TMEM260: variants seen among roughly 807,000 people sequenced by gnomAD.
TMEM260 encodes the protein transmembrane protein 260, also known as protein O-mannosyl-transferase TMEM260.
TMEM260 carries 82 observed loss-of-function variants against 88.9 expected under a neutral mutation model. The ratio of observed to expected loss-of-function variants is 0.92; its 90% CI spans 0.77 to 1.11. The LOEUF (loss-of-function observed/expected upper bound fraction) is 1.11, where lower values mean the gene tolerates loss of function less well. TMEM260 is among the 50% of genes least tolerant of loss of function. The pLI, the probability that TMEM260 is intolerant of heterozygous loss-of-function variation, is 0.00. For missense variants in TMEM260, 902 were observed against 853.4 expected, an observed-to-expected ratio of 1.06 and a Z score of -0.71; for synonymous variants, 314 against 309.3, an observed-to-expected ratio of 1.02 and a Z score of -0.16.
At position 56,643,332 on chromosome 14, in the gene TMEM260, C is replaced by T. The variant is rs556132979; in HGVS notation, c.1870-3911C>T. On this transcript the variant is annotated intron_variant, in intron 15 of 15. Transcript: ENST00000261556. ...CACCATGATCAAGTGGGCTTCATCCCTGGGATGCAAGGCTGGTTCAACATA... is the reference window on the plus strand; with the variant it reads ...CACCATGATCAAGTGGGCTTCATCCTTGGGATGCAAGGCTGGTTCAACATA... 3.3e-5 allele frequency among the ~76,000 whole-genome samples: 5 copies of T among 152,292 alleles called. No individual in the cohort carries two copies. In the South Asian group the frequency reaches 1.0e-3, roughly 32 times the overall value.
At position 56,633,097 on chromosome 14, in the gene TMEM260, G is replaced by A. The variant is rs1183951711; in HGVS notation, c.1650G>A (p.Leu550=). The A allele has an allele frequency of 1.2e-6, 2 of 1,613,792 alleles. No individual in the cohort carries two copies. The highest frequency in any genetic ancestry group is 1.1e-5 in the South Asian group (1 of 91,064). The change falls in exon 13 of 16, where the codon TTG becomes TTA. Residue 550 remains leucine, a synonymous_variant. Coordinates refer to ENST00000261556, the MANE Select transcript of TMEM260 (RefSeq NM_017799.4). ...PWGSCDKLVP[L]EIVFNPEEWI... ...GGTCTTGTGACAAATTAGTTCCTTT[G>A]GAGATTGTATTCAACCCTGAGGAAT...
At chr14:56,612,362 G>A in intron 7 of TMEM260, 77 bp downstream of exon 7, 1 of 1,259,398 alleles carries the variant, frequency 7.9e-7, no homozygotes, top group Non-Finnish European at 1.2e-6. Context: ...GGATTTCTGA[G>A]TTCATCTCTT....
Position 56,585,018 on chromosome 14 carries a change from G to T in TMEM260, c.178G>T (p.Ala60Ser), listed in dbSNP as rs749064908. Reference protein sequence around the residue: ...GGDSGELITAAHELGVAHPPG... With the variant: ...GGDSGELITASHELGVAHPPG... The stretch of plus-strand genomic sequence containing the variant: ...TTTCACAGGGGAACTGATCACAGCC[G>T]CACATGAGCTTGGAGTAAGTATTAG... The change falls in exon 2 of 16, where the codon GCA (alanine) becomes TCA (serine). Residue 60 changes from alanine to serine, a missense_variant. Coordinates refer to ENST00000261556, the MANE Select transcript of TMEM260 (RefSeq NM_017799.4). The T allele has an allele frequency of 6.2e-7, 1 of 1,611,980 alleles. No individual in the cohort carries two copies. Among genetic ancestry groups the T allele is most frequent in the African/African-American group, 1.3e-5 (1 of 74,942 alleles).
At chr14:56,616,205 C>A (rs1887585030) in intron 8 of TMEM260, 178 bp downstream of exon 8, 1 of 510,384 alleles carries the variant, frequency 2.0e-6, no homozygotes, top group Non-Finnish European at 3.5e-6. Flanking sequence ...CTAAATAAAT[C>A]AATGATTTCA....
intron 3 of TMEM260, among the ~76,000 whole-genome samples, chr14:56,595,330 G>C (rs1439617491): frequency 6.6e-6 from 1 of 151,956 alleles, no homozygotes; most frequent in Non-Finnish European, 1.5e-5. Context: ...TTGATATGGA[G>C]GGTTCATTGT....
At chr14:56,592,308 C>T (rs1016868665) in intron 3 of TMEM260, among the ~76,000 whole-genome samples, 4 of 152,084 alleles carry the variant, frequency 2.6e-5, no homozygotes, top group Non-Finnish European at 5.9e-5. Context: ...CCTTTTATAT[C>T]ATGTCCTAAA....
chr14:56,622,390 C>G (rs1169384210), intron 11 of TMEM260, among the ~76,000 whole-genome samples: 1 of 148,788 alleles, frequency 6.7e-6, no homozygotes, highest in African/African-American at 2.5e-5. Context: ...TCAGCTAACT[C>G]AACCATTCAA....
intron 3 of TMEM260, among the ~76,000 whole-genome samples, chr14:56,594,984 C>G (rs577854847): frequency 6.6e-5 from 10 of 152,306 alleles, no homozygotes; most frequent in Non-Finnish European, 1.2e-4. Flanking sequence ...TGCCTGATCA[C>G]TCACTCACAG....
At chr14:56,597,091 C>A (rs929401146) in intron 3 of TMEM260, among the ~76,000 whole-genome samples, 4 of 151,994 alleles carry the variant, frequency 2.6e-5, no homozygotes, top group Non-Finnish European at 2.9e-5. Flanking sequence ...GGAATACTTG[C>A]AAAAGACGAT....
intron 4 of TMEM260, among the ~76,000 whole-genome samples, chr14:56,604,697 T>G (rs1886787344): frequency 6.6e-6 from 1 of 152,202 alleles, no homozygotes; most frequent in Admixed American, 6.5e-5. Flanking sequence ...TTCAATACAC[T>G]TTTTAAAGAG....
chr14:56,655,636 T>C, the TMEM260 span, among the ~76,000 whole-genome samples: 1 of 152,176 alleles, frequency 6.6e-6, no homozygotes, highest in African/African-American at 2.4e-5. Context: ...ACCTGGTAAA[T>C]ATGTGAGCTC....
At chr14:56,607,039 T>G (rs1396044376) in intron 5 of TMEM260, among the ~76,000 whole-genome samples, 3 of 152,250 alleles carry the variant, frequency 2.0e-5, no homozygotes, top group Non-Finnish European at 1.5e-5. Flanking sequence ...ACAGGCAGTG[T>G]CTTTAACAGT....
At chr14:56,589,905 C>A (rs1285934156) in intron 3 of TMEM260, among the ~76,000 whole-genome samples, 5 of 152,102 alleles carry the variant, frequency 3.3e-5, no homozygotes, top group Admixed American at 2.0e-4. Context: ...TTAGAGAATG[C>A]GGAATCTCTT....
At chr14:56,662,139 C>G in the TMEM260 span, among the ~76,000 whole-genome samples, 1 of 152,226 alleles carries the variant, frequency 6.6e-6, no homozygotes, top group Admixed American at 6.5e-5. Context: ...CTGCAGCTAT[C>G]AAGAGAAAGT....
intron 11 of TMEM260, among the ~76,000 whole-genome samples, chr14:56,622,644 T>C (rs1417651455): frequency 6.6e-6 from 1 of 152,128 alleles, no homozygotes; most frequent in Non-Finnish European, 1.5e-5. Flanking sequence ...AGATTTATTA[T>C]TTAAGCCATA....
chr14:56,585,587 T>C, intron 2 of TMEM260, 174 bp from the exon 3 acceptor site: 2 of 594,668 alleles, frequency 3.4e-6, no homozygotes, highest in Non-Finnish European at 5.7e-6. Flanking sequence ...CTAAAGAAAA[T>C]ATTTATTTGT....
intron 4 of TMEM260, among the ~76,000 whole-genome samples, chr14:56,604,562 T>A (rs1039922383): frequency 2.0e-5 from 3 of 152,204 alleles, no homozygotes; most frequent in Admixed American, 2.0e-4. Context: ...CATCTTAGTA[T>A]AGGCAGCTTT....
At chr14:56,635,288 C>T (rs79010090) in intron 14 of TMEM260, among the ~76,000 whole-genome samples, 21 of 152,226 alleles carry the variant, frequency 1.4e-4, no homozygotes, top group South Asian at 2.1e-4. Context: ...TGAGTGTAAT[C>T]GATTGAGTAG....
upstream of TMEM260, chr14:56,579,741 C>T: frequency 2.1e-6 from 1 of 487,634 alleles, no homozygotes; most frequent in Non-Finnish European, 3.2e-6. Flanking sequence ...GGAGGCCTGG[C>T]ATTTTCTCCT....
Sources: gnomAD v4.1 joint callset for allele counts (sites outside exome capture counted in the v4.1 genomes callset) on GRCh38, gnomAD v4.1.1 for gene constraint, MANE v1.5 for transcripts, NCBI Gene and HGNC (gene_info 2026-07-23, HGNC 2026-07-21) for gene names.